KIF13A: variants seen among roughly 807,000 people sequenced by gnomAD.
KIF13A encodes the protein kinesin family member 13A.
A neutral mutation model predicts 212.2 loss-of-function variants in KIF13A; 79 were observed. The observed-to-expected ratio is 0.37, with a 90% confidence interval of 0.31 to 0.45. KIF13A has a LOEUF of 0.45. KIF13A is among the 20% of genes least tolerant of loss of function. The pLI, the probability that KIF13A is intolerant of heterozygous loss-of-function variation, is 1.00. For missense variants in KIF13A, 1,901 were observed against 2,209.0 expected (o/e 0.86, Z 2.79); for synonymous variants, 789 against 808.6 (o/e 0.98, Z 0.41).
Position 17,783,467 on chromosome 6 carries a change from CTCTT to C in KIF13A, c.3544+175_3544+178del, listed in dbSNP as rs140764807. On this transcript the variant is annotated intron_variant, in intron 29 of 38. Coordinates refer to ENST00000259711, the MANE Select transcript of KIF13A (RefSeq NM_022113.6). The surrounding 1 kb of genome is among the most constrained non-coding windows in gnomAD (Gnocchi z 4.3). ...ATGCAGTTCTCAATCACCCTATGTG[CTCTT>C]TTTTTGATTATCCACATATCATGCT... Among the ~76,000 whole-genome samples, 8,096 of 152,260 alleles carry C rather than the reference CTCTT, an allele frequency of 0.053. 306 individuals are homozygous for C. The highest frequency in any genetic ancestry group is 0.078 in the Middle Eastern group (23 of 294).
chr6:17,778,849 GATA>G, intron 33 of KIF13A, 95 bp downstream of exon 33: 3 of 1,380,412 alleles, frequency 2.2e-6, no homozygotes, highest in Non-Finnish European at 3.0e-6. Context: ...CTCCTTCTCT[GATA>G]GATTTAGTGA....
rs370720618 is a variant in KIF13A, at chr6:17,826,844, TAG to T, written c.1533-722_1533-721del. ...ACTATATTTAAGAATCTTCATCTTT[TAG>T]AGAGACATAGTGAGATATTTATAGA... On this transcript the variant is annotated intron_variant, in intron 14 of 38. Transcript: ENST00000259711. The surrounding 1 kb of genome is among the most constrained non-coding windows in gnomAD (Gnocchi z 4.7). 3.3e-5 allele frequency among the ~76,000 whole-genome samples: 5 copies of T among 152,250 alleles called. No homozygotes were observed. Among genetic ancestry groups the T allele is most frequent in the Non-Finnish European group, 7.4e-5 (5 of 68,012 alleles).
intron 19 of KIF13A, among the ~76,000 whole-genome samples, chr6:17,805,024 A>G (rs1007681733): frequency 6.6e-6 from 1 of 151,940 alleles, no homozygotes; most frequent in African/African-American, 2.4e-5. Flanking sequence ...TAATGTCCAA[A>G]AAATGGATTA....
At chr6:17,775,137 G>C (rs1759837177) in intron 34 of KIF13A, 75 bp from the exon 35 acceptor site, 2 of 1,202,268 alleles carry the variant, frequency 1.7e-6, no homozygotes, top group South Asian at 2.7e-5. Flanking sequence ...TAAAGAAACA[G>C]AATGTCACAG....
Position 17,898,176 on chromosome 6 carries a change from G to A in KIF13A, c.151C>T (p.Pro51Ser). The stretch of plus-strand genomic sequence containing the variant: ...TTCATATTAGTGCTTACCTTGGGAG[G>A]TTTCCTTAATGATGGGAAAAAAAAA... The part of the protein sequence containing the change: ...PSNTKQGERK[P>S]PKVFAFDYCF... The change falls in exon 3 of 39, where the codon CCT becomes TCT. Residue 51 changes from proline (P) to serine (S), a missense_variant. Pro to Ser is a moderately conservative substitution (Grantham distance 74). Coordinates refer to ENST00000259711, the MANE Select transcript of KIF13A (RefSeq NM_022113.6). This position sits in a 1 kb window ranked among gnomAD's most constrained non-coding sequence, Gnocchi z 5.2. 1 of 1,612,742 alleles carries A rather than the reference G, an allele frequency of 6.2e-7. No homozygotes were observed. The highest frequency in any genetic ancestry group is 8.5e-7 in the Non-Finnish European group (1 of 1,179,370).
intron 2 of KIF13A, among the ~76,000 whole-genome samples, chr6:17,921,329 AAC>A (rs1294124016): frequency 6.6e-6 from 1 of 152,200 alleles, no homozygotes; most frequent in Non-Finnish European, 1.5e-5. Flanking sequence ...AGTTCAAGGG[AAC>A]ACACTTCAAG....
At chr6:17,818,698 G>GGAAACGGGGGCTCAAAAAGGC (rs1764166008) in intron 16 of KIF13A, among the ~76,000 whole-genome samples, 1 of 152,104 alleles carries the variant, frequency 6.6e-6, no homozygotes, top group Non-Finnish European at 1.5e-5. Context: ...TTAAAAATGA[G>GGAAACGGGGGCTCAAAAAGGC]GAAACGGGGG....
chr6:17,922,619 AAAAAAG>A (rs977072967), intron 2 of KIF13A, among the ~76,000 whole-genome samples: 5 of 151,830 alleles, frequency 3.3e-5, no homozygotes, highest in Non-Finnish European at 7.4e-5. Context: ...AAAAAAAAAA[AAAAAAG>A]AAAGAAATGA....
chr6:17,785,732 G>T lies in KIF13A; in HGVS notation c.3362-91C>A. 1.5e-6 allele frequency: 2 copies of T among 1,363,576 alleles called. No individual in the cohort carries two copies. The highest frequency in any genetic ancestry group is 2.0e-6 in the Non-Finnish European group (2 of 986,118). 84.5% of individuals were successfully genotyped at this position (1,363,576 alleles called of 1,614,324 possible). A position where few individuals can be genotyped will look rare whatever the true frequency, so the allele number is the denominator to read the frequency against. On this transcript the variant is annotated intron_variant, in intron 27 of 38. Coordinates refer to ENST00000259711, the MANE Select transcript of KIF13A (RefSeq NM_022113.6). This position sits in a 1 kb window ranked among gnomAD's most constrained non-coding sequence, Gnocchi z 5.8. ...AATAGATTTCAGCCTGGGCAACATAGTGAGACCCCATCTCTACCAAAAAAA... is the reference window on the plus strand; with the variant it reads ...AATAGATTTCAGCCTGGGCAACATATTGAGACCCCATCTCTACCAAAAAAA...
intron 17 of KIF13A, chr6:17,812,672 A>G (rs1314518428): frequency 1.3e-5 from 2 of 152,178 alleles, no homozygotes; most frequent in Non-Finnish European, 2.9e-5. Flanking sequence ...AGAACAACTT[A>G]TATTTCTTTG....
At chr6:17,796,264 C>T (rs1581952781) in intron 23 of KIF13A, among the ~76,000 whole-genome samples, 2 of 148,668 alleles carry the variant, frequency 1.3e-5, no homozygotes, top group African/African-American at 2.5e-5. Context: ...TGCAGTGGCA[C>T]GATCTTGGCT....
chr6:17,887,533 T>C (rs1173222930), intron 3 of KIF13A, among the ~76,000 whole-genome samples: 1 of 152,222 alleles, frequency 6.6e-6, no homozygotes. Flanking sequence ...ATGATCTTCA[T>C]AGCCTACCAG....
rs1781358607 is a variant in KIF13A at position 17,984,281 on chromosome 6, A to G, written c.146+2773T>C. On this transcript the variant is annotated intron_variant, in intron 2 of 38. Transcript: ENST00000259711. This position sits in a 1 kb window ranked among gnomAD's most constrained non-coding sequence, Gnocchi z 5.0. ...TGACTCTGGTGTAGGTACTGGATCCACAAGTATCTTTGAATCCCCTATGCT... is the reference window on the plus strand; with the variant it reads ...TGACTCTGGTGTAGGTACTGGATCCGCAAGTATCTTTGAATCCCCTATGCT... Among the ~76,000 whole-genome samples the G allele has an allele frequency of 6.6e-6, 1 of 152,212 alleles. No individual in the cohort carries two copies. Among genetic ancestry groups the G allele is most frequent in the African/African-American group, 2.4e-5 (1 of 41,448 alleles).
At chr6:17,878,196 T>C (rs961849237) in intron 3 of KIF13A, among the ~76,000 whole-genome samples, 1 of 152,136 alleles carries the variant, frequency 6.6e-6, no homozygotes, top group Non-Finnish European at 1.5e-5. Context: ...AAGGGGGCAC[T>C]GGAAAAAACT....
Position 17,926,580 on chromosome 6 carries a change from G to T in KIF13A, c.147-28400C>A, listed in dbSNP as rs1775519783. On this transcript the variant is annotated intron_variant, in intron 2 of 38. Coordinates refer to ENST00000259711, the MANE Select transcript of KIF13A (RefSeq NM_022113.6). The surrounding 1 kb of genome is among the most constrained non-coding windows in gnomAD (Gnocchi z 4.3). The stretch of plus-strand genomic sequence containing the variant: ...ATGTAGGAGGTTTTTCTGATATTTA[G>T]AACAAAGTTTCACCAGCTGCTTCTC... 6.6e-6 allele frequency among the ~76,000 whole-genome samples: 1 copy of T among 151,986 alleles called. No homozygotes were observed. The highest frequency in any genetic ancestry group is 1.5e-5 in the Non-Finnish European group (1 of 68,004).
chr6:17,795,821 C>CA (rs975267781), intron 23 of KIF13A, among the ~76,000 whole-genome samples: 27 of 152,268 alleles, frequency 1.8e-4, no homozygotes, highest in African/African-American at 6.5e-4. Flanking sequence ...CCAACTTAAA[C>CA]AATTTTTTCT....
chr6:17,979,083 G>A (rs1158526172), intron 2 of KIF13A, among the ~76,000 whole-genome samples: 4 of 152,170 alleles, frequency 2.6e-5, no homozygotes, highest in African/African-American at 4.8e-5. Context: ...ACTTGAGGCC[G>A]GAAGTTTGAG....
intron 28 of KIF13A, among the ~76,000 whole-genome samples, chr6:17,784,647 T>A (rs1760893981): frequency 1.3e-5 from 2 of 152,160 alleles, no homozygotes; most frequent in African/African-American, 2.4e-5. Context: ...TGAAAACACT[T>A]TACACGAGAG....
In KIF13A at chr6:17,871,715, A is replaced by G. The variant is rs1770030935; in HGVS notation, c.220+1662T>C. ...TAATAAAGGACCTCAAATGTAGTCC[A>G]AAGAGTATAGATTTTTTCTAGCATG... On this transcript the variant is annotated intron_variant, in intron 4 of 38. Coordinates refer to ENST00000259711, the MANE Select transcript of KIF13A (RefSeq NM_022113.6). This position sits in a 1 kb window ranked among gnomAD's most constrained non-coding sequence, Gnocchi z 4.4. 6.6e-6 allele frequency among the ~76,000 whole-genome samples: 1 copy of G among 152,190 alleles called. No individual in the cohort carries two copies. Among genetic ancestry groups the G allele is most frequent in the South Asian group, 2.1e-4 (1 of 4,828 alleles).
Sources: allele counts gnomAD v4.1 joint callset (sites outside exome capture counted in the v4.1 genomes callset), GRCh38; gene constraint gnomAD v4.1.1; non-coding constraint Gnocchi (gnomAD v3.1); transcripts MANE v1.5; gene names NCBI Gene and HGNC (gene_info 2026-07-23, HGNC 2026-07-21).